SLC10A1: variants seen among roughly 807,000 people sequenced by gnomAD.
The protein encoded by SLC10A1 is hepatic sodium/bile acid cotransporter.
A neutral mutation model predicts 20.5 loss-of-function variants in SLC10A1; 36 were observed. The observed-to-expected ratio is 1.75, with a 90% CI of 1.34 to 2.32. SLC10A1 has a LOEUF of 2.32. Ranked by LOEUF, SLC10A1 falls within the 30% of genes most tolerant of loss-of-function variation. The pLI is 0.00. For synonymous variants in SLC10A1, 188 were observed against 163.6 expected (o/e 1.15, Z -1.14); for missense variants, 545 against 439.1 (o/e 1.24, Z -2.16).
chr14:69,789,795 A>G (rs913455362), intron 1 of SLC10A1, among the ~76,000 whole-genome samples: 2 of 152,172 alleles, frequency 1.3e-5, no homozygotes, highest in African/African-American at 4.8e-5. Flanking sequence ...GAAAAAGAAG[A>G]TTAAAAATTA....
chr14:69,794,398 A>G (rs925230779), intron 1 of SLC10A1, among the ~76,000 whole-genome samples: 6 of 152,302 alleles, frequency 3.9e-5, no homozygotes, highest in Non-Finnish European at 8.8e-5. Flanking sequence ...ATATTTCAGT[A>G]AAAGCACAGG....
chr14:69,792,258 G>A (rs1264466065), intron 1 of SLC10A1, among the ~76,000 whole-genome samples: 2 of 152,240 alleles, frequency 1.3e-5, no homozygotes, highest in South Asian at 2.1e-4. Flanking sequence ...ATTAACATAA[G>A]CAATCTATCA....
rs987777754 is a variant in SLC10A1 at position 69,775,762 on chromosome 14, G to C, written c.*520C>G. On this transcript the variant is annotated 3_prime_UTR_variant, in exon 5 of 5. Coordinates refer to ENST00000216540, the MANE Select transcript of SLC10A1 (RefSeq NM_003049.4). ...TTACTGTGTTCACTTTTGCATACTTGATGTCAAATTTGACTTTTCGGGAGC... is the reference window on the plus strand; with the variant it reads ...TTACTGTGTTCACTTTTGCATACTTCATGTCAAATTTGACTTTTCGGGAGC... 6.6e-6 allele frequency: 1 copy of C among 152,268 alleles called. No individual in the cohort carries two copies. The highest frequency in any genetic ancestry group is 2.4e-5 in the African/African-American group (1 of 41,362). The allele number at this position is 152,268 out of a possible 1,614,324, so 9.4% of individuals were successfully genotyped here. A position where few individuals can be genotyped will look rare whatever the true frequency, so the allele number is the denominator to read the frequency against.
intron 2 of SLC10A1, among the ~76,000 whole-genome samples, chr14:69,782,659 T>G (rs894351779): frequency 6.6e-6 from 1 of 151,976 alleles, no homozygotes; most frequent in Non-Finnish European, 1.5e-5. Flanking sequence ...ATACAAAAAA[T>G]TATCCGGGTA....
intron 1 of SLC10A1, among the ~76,000 whole-genome samples, chr14:69,791,241 T>G (rs1173180387): frequency 6.6e-6 from 1 of 152,092 alleles, no homozygotes; most frequent in Non-Finnish European, 1.5e-5. Context: ...ATTTTTTTTG[T>G]AGACTTGAAA....
intron 4 of SLC10A1, among the ~76,000 whole-genome samples, chr14:69,777,993 A>G (rs958374089): frequency 2.6e-5 from 4 of 152,158 alleles, no homozygotes; most frequent in Admixed American, 2.6e-4. Flanking sequence ...TCTTGCGAAT[A>G]GAGGCCTTTC....
At chr14:69,780,710 T>C (rs940490188) in intron 2 of SLC10A1, among the ~76,000 whole-genome samples, 3 of 152,206 alleles carry the variant, frequency 2.0e-5, no homozygotes, top group Non-Finnish European at 2.9e-5. Flanking sequence ...TATCCCAGCA[T>C]AGGAAGGACT....
chr14:69,790,039 G>GA (rs1416239835), intron 1 of SLC10A1, among the ~76,000 whole-genome samples: 2 of 151,136 alleles, frequency 1.3e-5, no homozygotes, highest in Non-Finnish European at 2.9e-5. Flanking sequence ...TAACTACAGA[G>GA]AAAATGAAGA....
At chr14:69,786,067 C>G in intron 2 of SLC10A1, 30 bp downstream of exon 2, 1 of 1,559,816 alleles carries the variant, frequency 6.4e-7, no homozygotes. Context: ...ACTCTTTTGC[C>G]CTAATTTGTC....
rs559327420 is a variant in SLC10A1, at chr14:69,776,084, C to T, written c.*198G>A. On this transcript the variant is annotated 3_prime_UTR_variant, in exon 5 of 5. Coordinates refer to ENST00000216540, the MANE Select transcript of SLC10A1 (RefSeq NM_003049.4). Reference sequence around the variant, plus strand: ...AAGTCTTTAAAATAAGTAGCAAATTCTAAGTTGGGGATAGGTGAGGCTTCT... The same window carrying T: ...AAGTCTTTAAAATAAGTAGCAAATTTTAAGTTGGGGATAGGTGAGGCTTCT... 2 of 556,824 alleles carry T rather than the reference C, an allele frequency of 3.6e-6. No homozygotes were observed. Among genetic ancestry groups the T allele is most frequent in the African/African-American group, 3.8e-5 (2 of 52,484 alleles). The allele number at this position is 556,824 out of a possible 1,614,324, so 34.5% of individuals were successfully genotyped here.
In SLC10A1 at chr14:69,796,976, C is replaced by G; in HGVS notation, c.180G>C (p.Gly60=). ...KIKAHLWKPK[G]LAIALVAQYG... ...ACTGTGCCACCAGGGCGATGGCCAG[C>G]CCTTTAGGCTTCCATAAGTGAGCCT... The change falls in exon 1 of 5, where the codon GGG becomes GGC. Residue 60 remains glycine (G), a synonymous_variant. Coordinates refer to ENST00000216540, the MANE Select transcript of SLC10A1 (RefSeq NM_003049.4). The G allele has an allele frequency of 6.2e-7, 1 of 1,614,236 alleles. No homozygotes were observed. Among genetic ancestry groups the G allele is most frequent in the Non-Finnish European group, 8.5e-7 (1 of 1,180,046 alleles).
At chr14:69,779,715 T>G (rs1484667583) in intron 2 of SLC10A1, among the ~76,000 whole-genome samples, 1 of 152,174 alleles carries the variant, frequency 6.6e-6, no homozygotes, top group Non-Finnish European at 1.5e-5. Flanking sequence ...GACAGCTGAT[T>G]AACACTTTGA....
intron 2 of SLC10A1, among the ~76,000 whole-genome samples, chr14:69,782,086 C>T (rs1292757723): frequency 6.6e-6 from 1 of 152,196 alleles, no homozygotes; most frequent in Non-Finnish European, 1.5e-5. Flanking sequence ...GCAAGGAAAC[C>T]TTAGCTTTTG....
chr14:69,790,928 GT>G (rs1443504390), intron 1 of SLC10A1, among the ~76,000 whole-genome samples: 1 of 151,970 alleles, frequency 6.6e-6, no homozygotes, highest in African/African-American at 2.4e-5. Flanking sequence ...AATGTATGAG[GT>G]TCTAAATACA....
At chr14:69,782,880 G>A (rs1883628343) in intron 2 of SLC10A1, among the ~76,000 whole-genome samples, 1 of 151,324 alleles carries the variant, frequency 6.6e-6, no homozygotes, top group African/African-American at 2.4e-5. Context: ...AAGCTACTCT[G>A]AGGTAGAAAA....
chr14:69,791,584 G>A (rs1306084388), intron 1 of SLC10A1, among the ~76,000 whole-genome samples: 1 of 152,234 alleles, frequency 6.6e-6, no homozygotes, highest in African/African-American at 2.4e-5. Context: ...ACAGGCGTGA[G>A]CCACTGTGCC....
In SLC10A1 at chr14:69,785,208, A is replaced by G. The variant is rs184422099; in HGVS notation, c.567+889T>C. On this transcript the variant is annotated intron_variant, in intron 2 of 4. Coordinates refer to ENST00000216540, the MANE Select transcript of SLC10A1 (RefSeq NM_003049.4). ...TCCAAGGTTGAAAATATTGGTGGAG[A>G]GACCATAGCTGCACTCTAGGAGTTC... Among the ~76,000 whole-genome samples, 5 of 152,290 alleles carry G rather than the reference A, an allele frequency of 3.3e-5. No homozygotes were observed. In the East Asian group the frequency reaches 9.7e-4, roughly 29 times the overall value.
chr14:69,778,183 T>G (rs763689587), intron 4 of SLC10A1, 150 bp downstream of exon 4: 13 of 589,612 alleles, frequency 2.2e-5, no homozygotes, highest in Non-Finnish European at 3.9e-5. Context: ...CTTTAATGCT[T>G]CTTGGGTGCT....
chr14:69,781,448 G>C (rs1883590097), intron 2 of SLC10A1, among the ~76,000 whole-genome samples: 1 of 152,212 alleles, frequency 6.6e-6, no homozygotes, highest in Non-Finnish European at 1.5e-5. Context: ...CGCACAGGCT[G>C]GTGAGTGGTA....
Sources: gnomAD v4.1 joint callset for allele counts (sites outside exome capture counted in the v4.1 genomes callset) on GRCh38, gnomAD v4.1.1 for gene constraint, MANE v1.5 for transcripts, NCBI Gene and HGNC (gene_info 2026-07-23, HGNC 2026-07-21) for gene names.